Variants in CYSLTR1 observed in about 807,000 individuals in gnomAD.
CYSLTR1 encodes G-protein coupled receptor HG55.
Under a neutral mutation model 2.1 loss-of-function variants are expected in CYSLTR1, and 1 was observed. The ratio of observed to expected loss-of-function variants is 0.48; its 90% confidence interval spans 0.17 to 2.28. The LOEUF is 2.28. Ranked by LOEUF, CYSLTR1 falls within the 30% of genes most tolerant of loss-of-function variation. The probability of loss-of-function intolerance (pLI) is 0.26; values close to 1 mark genes in which losing one functional copy is unlikely to be tolerated. For synonymous variants in CYSLTR1, 110 were observed against 89.6 expected, an observed-to-expected ratio of 1.23 and a Z score of -1.28; for missense variants, 299 against 250.1, an observed-to-expected ratio of 1.20 and a Z score of -1.32.
intron 1 of CYSLTR1, among the ~76,000 whole-genome samples, chrX:78,291,403 T>G (rs1307942214): frequency 3.6e-5 from 4 of 111,883 alleles, no homozygotes; most frequent in African/African-American, 1.3e-4. Context: ...ATCAGGGATA[T>G]TAGTCTAAAA....
intron 1 of CYSLTR1, among the ~76,000 whole-genome samples, chrX:78,294,034 G>T (rs1231273957): frequency 8.9e-6 from 1 of 112,382 alleles, no homozygotes; most frequent in Non-Finnish European, 1.9e-5. Context: ...CTGGTGAGGA[G>T]CTGCGTTCCT....
At chrX:78,285,815 C>T (rs1285674991) in intron 1 of CYSLTR1, among the ~76,000 whole-genome samples, 2 of 111,946 alleles carry the variant, frequency 1.8e-5, no homozygotes, top group African/African-American at 6.5e-5. Flanking sequence ...TCACTCCTTG[C>T]TTCTCTTTCC....
chrX:78,286,207 G>A (rs1021300826), intron 1 of CYSLTR1, among the ~76,000 whole-genome samples: 10 of 111,154 alleles, frequency 9.0e-5, no homozygotes, highest in African/African-American at 3.3e-4. Context: ...TGCTTCGGGA[G>A]GGTGAGATGG....
chrX:78,318,691 T>C (rs1478564220), intron 1 of CYSLTR1, among the ~76,000 whole-genome samples: 1 of 111,791 alleles, frequency 8.9e-6, no homozygotes, highest in Non-Finnish European at 1.9e-5. Flanking sequence ...TTCAAACATA[T>C]TTTCAGATAA....
chrX:78,308,455 T>A (rs753489884), intron 1 of CYSLTR1, among the ~76,000 whole-genome samples: 78 of 111,458 alleles, frequency 7.0e-4, no homozygotes, highest in Non-Finnish European at 1.4e-3. Flanking sequence ...AAGTGAAAGT[T>A]TAAATAATAG....
In CYSLTR1 at chrX:78,273,692, C is replaced by T; in HGVS notation, c.55G>A (p.Asp19Asn). Residue 19 changes from aspartate to asparagine, a missense_variant, in exon 3 of 3, where the codon GAT becomes AAT. Transcript: ENST00000373304. ...GAATACACTTGATTGCGGAAGTCAT[C>T]AATAGTGTCATGGCATGTGGCAGAA... ...VSSATCHDTI[D>N]DFRNQVYSTL... 8.3e-7 allele frequency: 1 copy of T among 1,209,432 alleles called. No homozygotes were observed. Among genetic ancestry groups the T allele is most frequent in the Non-Finnish European group, 1.1e-6 (1 of 893,901 alleles).
At chrX:78,326,547 T>A (rs980060645) in intron 1 of CYSLTR1, among the ~76,000 whole-genome samples, 7 of 112,056 alleles carry the variant, frequency 6.2e-5, no homozygotes, top group African/African-American at 2.3e-4. Context: ...AAAACAGCCT[T>A]TTTTGTCGCT....
intron 1 of CYSLTR1, among the ~76,000 whole-genome samples, chrX:78,305,639 C>T (rs1923004344): frequency 8.9e-6 from 1 of 112,511 alleles, no homozygotes; most frequent in South Asian, 3.6e-4. Context: ...CCATTCCTCA[C>T]CTTCCCAGCA....
At chrX:78,300,102 T>C (rs1922753990) in intron 1 of CYSLTR1, among the ~76,000 whole-genome samples, 1 of 112,494 alleles carries the variant, frequency 8.9e-6, no homozygotes, top group Admixed American at 9.4e-5. Flanking sequence ...CTTCAACATG[T>C]CTATTTCATT....
At chrX:78,303,305 G>GATGAGT (rs1229921007) in intron 1 of CYSLTR1, among the ~76,000 whole-genome samples, 2 of 111,644 alleles carry the variant, frequency 1.8e-5, no homozygotes, top group Non-Finnish European at 3.8e-5. Context: ...ATGTGGGAGG[G>GATGAGT]ATGAGTTGGC....
chrX:78,310,236 CTGT>C (rs1356081251), intron 1 of CYSLTR1, among the ~76,000 whole-genome samples: 6 of 111,490 alleles, frequency 5.4e-5, no homozygotes. Flanking sequence ...AGTTACTTTC[CTGT>C]TGTTTACCAT....
chrX:78,296,797 CTT>C (rs1448653146), intron 1 of CYSLTR1, among the ~76,000 whole-genome samples: 1 of 111,562 alleles, frequency 9.0e-6, no homozygotes, highest in Non-Finnish European at 1.9e-5. Flanking sequence ...TTTGTGGAAT[CTT>C]TAGGTTTTTC....
At chrX:78,320,771 T>C (rs1253673209) in intron 1 of CYSLTR1, 2 of 111,586 alleles carry the variant, frequency 1.8e-5, no homozygotes, top group Admixed American at 9.5e-5. Flanking sequence ...TTTGTTTGTA[T>C]CCTCTTTTAT....
chrX:78,316,200 A>G (rs1349138740), intron 1 of CYSLTR1, among the ~76,000 whole-genome samples: 1 of 112,694 alleles, frequency 8.9e-6, no homozygotes, highest in Non-Finnish European at 1.9e-5. Flanking sequence ...CCCATTATCC[A>G]GCTTGAGCCC....
At chrX:78,286,124 G>A (rs1922061742) in intron 1 of CYSLTR1, among the ~76,000 whole-genome samples, 1 of 111,045 alleles carries the variant, frequency 9.0e-6, no homozygotes, top group Admixed American at 9.6e-5. Flanking sequence ...TCAAGCTCTA[G>A]TGTGCAAGGT....
At chrX:78,304,904 G>T (rs1294658810) in intron 1 of CYSLTR1, among the ~76,000 whole-genome samples, 2 of 111,643 alleles carry the variant, frequency 1.8e-5, no homozygotes, top group East Asian at 5.6e-4. Context: ...ATTTTGAGTT[G>T]GTCTGGTGAT....
At chrX:78,321,582 C>G (rs1245848953) in intron 1 of CYSLTR1, 1 of 108,947 alleles carries the variant, frequency 9.2e-6, no homozygotes, top group Non-Finnish European at 1.9e-5. Flanking sequence ...CCCAGCTACT[C>G]AGGAGGCTGA....
At chrX:78,298,268 TTTAAGAC>T (rs1418596119) in intron 1 of CYSLTR1, among the ~76,000 whole-genome samples, 2 of 111,942 alleles carry the variant, frequency 1.8e-5, no homozygotes, top group African/African-American at 6.5e-5. Flanking sequence ...TTTTGAATGT[TTTAAGAC>T]TTGTTTTGTG....
rs200941408 is a variant in CYSLTR1, at chrX:78,272,851, C to A, written c.896G>T (p.Gly299Val). The change falls in exon 3 of 3, where the codon GGG becomes GTG. Residue 299 changes from glycine (G) to valine (V), a missense_variant. By Grantham distance (109) the Gly-to-Val change is moderately radical. Transcript: ENST00000373304. ...CFDPLLYFFS[G>V]GNFRKRLSTF... ...AGACAGCCTTTTCCTAAAGTTACCCCCAGAAAAGAAATATAGGAGAGGGTC... is the reference window on the plus strand; with the variant it reads ...AGACAGCCTTTTCCTAAAGTTACCCACAGAAAAGAAATATAGGAGAGGGTC... 6 of 1,208,631 alleles carry A rather than the reference C, an allele frequency of 5.0e-6. No individual in the cohort carries two copies. The highest frequency in any genetic ancestry group is 6.7e-6 in the Non-Finnish European group (6 of 894,875).
Sources: allele counts gnomAD v4.1 joint callset (sites outside exome capture counted in the v4.1 genomes callset), GRCh38; gene constraint gnomAD v4.1.1; transcripts MANE v1.5; gene names NCBI Gene and HGNC (gene_info 2026-07-23, HGNC 2026-07-21).